Variants in TEKT5 observed in about 807,000 individuals in gnomAD.
The protein encoded by TEKT5 is tektin 5.
TEKT5 carries 52 observed loss-of-function variants against 48.7 expected under a neutral mutation model. That is an observed-to-expected ratio of 1.07 (90% confidence interval 0.86 to 1.35). The LOEUF is 1.35. Among genes scored for constraint, TEKT5 ranks in the 40% most tolerant of loss-of-function variants. TEKT5 has a pLI of 0.00. For synonymous variants in TEKT5, 318 were observed against 267.6 expected, an observed-to-expected ratio of 1.19 and a Z score of -1.84; for missense variants, 831 against 641.6, an observed-to-expected ratio of 1.30 and a Z score of -3.19.
rs568031656 is a variant in TEKT5 at position 10,652,311 on chromosome 16, C to T, written c.1087-16393G>A. 5.9e-5 allele frequency among the ~76,000 whole-genome samples: 9 copies of T among 152,096 alleles called. No homozygotes were observed. In the South Asian group the frequency reaches 1.9e-3, roughly 32 times the overall value. Reference sequence around the variant, plus strand: ...TCCCACAGTTCATGCTTTTCTCCCACACACTCTGAAAAATGCCAAAGGAAA... The same window carrying T: ...TCCCACAGTTCATGCTTTTCTCCCATACACTCTGAAAAATGCCAAAGGAAA... On this transcript the variant is annotated intron_variant, in intron 5 of 6. Coordinates refer to ENST00000283025, the MANE Select transcript of TEKT5 (RefSeq NM_144674.2).
chr16:10,655,978 T>C (rs1435025013), intron 5 of TEKT5, among the ~76,000 whole-genome samples: 1 of 152,210 alleles, frequency 6.6e-6, no homozygotes, highest in African/African-American at 2.4e-5. Context: ...AAATGAGTTG[T>C]CATATATGAC....
chr16:10,647,125 G>C (rs78442819), intron 5 of TEKT5, among the ~76,000 whole-genome samples: 19,825 of 151,974 alleles, frequency 0.13, 1,809 homozygotes, highest in Non-Finnish European at 0.2. Flanking sequence ...TACTTGAAGA[G>C]CCTATTGCTG....
intron 3 of TEKT5, among the ~76,000 whole-genome samples, chr16:10,683,469 A>G (rs1031706564): frequency 1.1e-4 from 17 of 152,222 alleles, no homozygotes; most frequent in African/African-American, 3.9e-4. Context: ...TATCTCGGCT[A>G]AGAAGCTTAG....
intron 1 of TEKT5, among the ~76,000 whole-genome samples, chr16:10,690,272 T>G (rs1898945646): frequency 6.6e-6 from 1 of 152,186 alleles, no homozygotes; most frequent in South Asian, 2.1e-4. Flanking sequence ...CAGGATAAAG[T>G]AGCATCCCAA....
At chr16:10,670,249 G>A (rs576016229) in intron 5 of TEKT5, among the ~76,000 whole-genome samples, 9 of 152,306 alleles carry the variant, frequency 5.9e-5, no homozygotes, top group East Asian at 3.9e-4. Flanking sequence ...ATTTCAGTCC[G>A]GGCACGGTGG....
At chr16:10,627,838 T>C in intron 6 of TEKT5, 39 bp from the exon 7 acceptor site, 2 of 1,572,782 alleles carry the variant, frequency 1.3e-6, no homozygotes, top group Non-Finnish European at 1.7e-6. Context: ...GGTTATTCAT[T>C]TATTTTTATT....
intron 1 of TEKT5, chr16:10,692,613 T>C (rs1369772044): frequency 6.6e-6 from 1 of 152,228 alleles, no homozygotes; most frequent in Non-Finnish European, 1.5e-5. Context: ...CCCCTTTGCA[T>C]CCAGGGTCCA....
chr16:10,674,489 G>C (rs1231012980), intron 5 of TEKT5, among the ~76,000 whole-genome samples: 2 of 151,716 alleles, frequency 1.3e-5, no homozygotes, highest in African/African-American at 4.8e-5. Context: ...AAAAAACCTA[G>C]CCAGGTGTGG....
Position 10,681,971 on chromosome 16 carries a change from G to C in TEKT5, c.863+22C>G, listed in dbSNP as rs370393921. 1.1e-4 allele frequency: 177 copies of C among 1,611,854 alleles called. 2 individuals carry two copies. Among genetic ancestry groups the C allele is most frequent in the Non-Finnish European group, 3.1e-5 (36 of 1,178,486 alleles). ...CTCCAGTTGGACACGCCAGGGATGG[G>C]GAGGGGGAGTCTGATACTTACGTGC... On this transcript the variant is annotated intron_variant, in intron 4 of 6. Transcript: ENST00000283025.
intron 5 of TEKT5, among the ~76,000 whole-genome samples, chr16:10,642,552 C>T (rs935768321): frequency 6.6e-6 from 1 of 152,110 alleles, no homozygotes; most frequent in Non-Finnish European, 1.5e-5. Flanking sequence ...CCCTGTGGAC[C>T]CCTGTGGTGT....
intron 1 of TEKT5, chr16:10,690,798 A>G: frequency 1.2e-5 from 12 of 985,330 alleles, no homozygotes; most frequent in Non-Finnish European, 1.4e-5. Context: ...TGATTAGCAA[A>G]CCAGCCCGTG....
chr16:10,637,148 A>ATT (rs112246826), intron 5 of TEKT5, among the ~76,000 whole-genome samples: 2 of 150,576 alleles, frequency 1.3e-5, no homozygotes, highest in South Asian at 2.1e-4. Flanking sequence ...TGCCTGGCTA[A>ATT]TTTTTTTTTA....
chr16:10,641,394 C>T (rs985724093), intron 5 of TEKT5, among the ~76,000 whole-genome samples: 2 of 152,128 alleles, frequency 1.3e-5, no homozygotes, highest in Admixed American at 6.6e-5. Flanking sequence ...ACGTTACAGC[C>T]AAGAGGGGCC....
At chr16:10,666,887 T>G (rs1898467559) in intron 5 of TEKT5, among the ~76,000 whole-genome samples, 1 of 151,938 alleles carries the variant, frequency 6.6e-6, no homozygotes, top group African/African-American at 2.4e-5. Flanking sequence ...GTTGCCCATA[T>G]GAACTATCTA....
intron 5 of TEKT5, among the ~76,000 whole-genome samples, chr16:10,639,319 A>C (rs988127163): frequency 2.2e-4 from 34 of 152,238 alleles, no homozygotes; most frequent in African/African-American, 7.7e-4. Flanking sequence ...CCAAAAAACA[A>C]AAAACAAAAA....
At chr16:10,661,407 C>A (rs1898367929) in intron 5 of TEKT5, among the ~76,000 whole-genome samples, 1 of 152,192 alleles carries the variant, frequency 6.6e-6, no homozygotes, top group African/African-American at 2.4e-5. Flanking sequence ...CAGGCCCCAC[C>A]CCAGATCTCA....
rs191399883 is a variant in TEKT5 at position 10,660,224 on chromosome 16, G to A, written c.1086+15735C>T. Reference sequence around the variant, plus strand: ...TTATTCCAGTGTAAGGGGTCAAGACGGGGGTTGCCTGTGTAATAGAAAAGG... The same window carrying A: ...TTATTCCAGTGTAAGGGGTCAAGACAGGGGTTGCCTGTGTAATAGAAAAGG... On this transcript the variant is annotated intron_variant, in intron 5 of 6. Coordinates refer to ENST00000283025, the MANE Select transcript of TEKT5 (RefSeq NM_144674.2). 9.2e-5 allele frequency among the ~76,000 whole-genome samples: 14 copies of A among 152,200 alleles called. No homozygotes were observed. The East Asian group carries it at 2.5e-3, about 27-fold the overall frequency.
rs556976310 is a variant in TEKT5, at chr16:10,690,030, G to C, written c.565-5C>G. On this transcript the variant is annotated splice_polypyrimidine_tract_variant and splice_region_variant and intron_variant, in intron 1 of 6. Coordinates refer to ENST00000283025, the MANE Select transcript of TEKT5 (RefSeq NM_144674.2). ...GTACAGACACTCCAAGGCCACCTGTGGGAAGCAGCAGAAAGAACGTATTCT... is the reference window on the plus strand; with the variant it reads ...GTACAGACACTCCAAGGCCACCTGTCGGAAGCAGCAGAAAGAACGTATTCT... The C allele has an allele frequency of 1.9e-6, 3 of 1,613,838 alleles. No homozygotes were observed. The South Asian group carries it at 3.3e-5, about 18-fold the overall frequency.
At chr16:10,681,154 C>T (rs898525949) in intron 4 of TEKT5, among the ~76,000 whole-genome samples, 16 of 151,738 alleles carry the variant, frequency 1.1e-4, no homozygotes, top group African/African-American at 3.6e-4. Flanking sequence ...ACACAGTAAG[C>T]ACTTGATAAA....
Sources: allele counts gnomAD v4.1 joint callset (sites outside exome capture counted in the v4.1 genomes callset), GRCh38; gene constraint gnomAD v4.1.1; transcripts MANE v1.5; gene names NCBI Gene and HGNC (gene_info 2026-07-23, HGNC 2026-07-21).